AUH: variants seen among roughly 807,000 people sequenced by gnomAD.
AUH encodes the protein methylglutaconyl-CoA hydratase, mitochondrial.
In AUH, 29 loss-of-function variants were observed where a neutral mutation model predicts 42.3. The ratio of observed to expected loss-of-function variants is 0.69; its 90% CI spans 0.51 to 0.93. AUH has a LOEUF of 0.93. Among genes scored for constraint, AUH ranks in the 40% least tolerant of loss-of-function variants. The probability of loss-of-function intolerance (pLI) is 0.00; values close to 1 mark genes in which losing one functional copy is unlikely to be tolerated. For synonymous variants in AUH, 174 were observed against 166.4 expected (o/e 1.05, Z -0.35); for missense variants, 452 against 438.1 (o/e 1.03, Z -0.28).
At chr9:91,305,632 T>TAC in intron 4 of AUH, among the ~76,000 whole-genome samples, 1 of 152,304 alleles carries the variant, frequency 6.6e-6, no homozygotes, top group Non-Finnish European at 1.5e-5. Context: ...TTTCTATATA[T>TAC]ACGCTTATGT....
At chr9:91,298,142 T>C in intron 4 of AUH, 66 bp from the exon 5 acceptor site, 1 of 1,328,740 alleles carries the variant, frequency 7.5e-7, no homozygotes, top group Non-Finnish European at 1.1e-6. Flanking sequence ...AATTCATTTT[T>C]AATTTTTTTC....
rs1374074965 is a variant in AUH, at chr9:91,356,128, GCT to G, written c.288_289del (p.Arg96SerfsTer9). The G allele has an allele frequency of 1.3e-5, 21 of 1,613,434 alleles. No homozygotes were observed. Among genetic ancestry groups the G allele is most frequent in the Non-Finnish European group, 1.8e-5 (21 of 1,179,770 alleles). On this transcript the variant is annotated frameshift_variant, in exon 2 of 10. Coordinates refer to ENST00000375731, the MANE Select transcript of AUH (RefSeq NM_001698.3). LOFTEE classifies it high-confidence loss of function. ...TTTACTGAGTGAATTTTTGCCATAAGCTCTGTTTATTCCAAGCACCACAATTC... is the reference window on the plus strand; with the variant it reads ...TTTACTGAGTGAATTTTTGCCATAAGCTGTTTATTCCAAGCACCACAATTC...
In AUH at chr9:91,214,025, C is replaced by T; in HGVS notation, c.*323G>A. On this transcript the variant is annotated 3_prime_UTR_variant, in exon 10 of 10. Coordinates refer to ENST00000375731, the MANE Select transcript of AUH (RefSeq NM_001698.3). Reference sequence around the variant, plus strand: ...GTAGACATACAATCAATATTATTCCCTAGAATGTGCAATATATAAATTATT... The same window carrying T: ...GTAGACATACAATCAATATTATTCCTTAGAATGTGCAATATATAAATTATT... 1 of 278,756 alleles carries T rather than the reference C, an allele frequency of 3.6e-6. No homozygotes were observed. The highest frequency in any genetic ancestry group is 6.9e-6 in the Non-Finnish European group (1 of 143,942). The allele number at this position is 278,756 out of a possible 1,614,324, so 17.3% of individuals were successfully genotyped here. A position where few individuals can be genotyped will look rare whatever the true frequency, so the allele number is the denominator to read the frequency against.
At chr9:91,339,021 A>G (rs1830905847) in intron 3 of AUH, among the ~76,000 whole-genome samples, 1 of 152,216 alleles carries the variant, frequency 6.6e-6, no homozygotes, top group African/African-American at 2.4e-5. Context: ...CATTACCTCT[A>G]ATGAATAAAA....
chr9:91,252,520 G>A (rs1829190896), intron 6 of AUH, among the ~76,000 whole-genome samples: 1 of 152,086 alleles, frequency 6.6e-6, no homozygotes, highest in Admixed American at 6.5e-5. Flanking sequence ...CATTGGCAGT[G>A]TGACCACATC....
At chr9:91,279,265 A>G (rs1304040773) in intron 6 of AUH, among the ~76,000 whole-genome samples, 1 of 152,192 alleles carries the variant, frequency 6.6e-6, no homozygotes, top group Admixed American at 6.5e-5. Flanking sequence ...AATTCTCACA[A>G]CAACCTATGA....
intron 6 of AUH, among the ~76,000 whole-genome samples, chr9:91,245,647 C>T (rs1416557760): frequency 6.6e-6 from 1 of 152,186 alleles, no homozygotes; most frequent in Non-Finnish European, 1.5e-5. Flanking sequence ...CTGACATCTG[C>T]TGATAGAAGC....
At chr9:91,234,379 G>A (rs1489769421) in intron 6 of AUH, among the ~76,000 whole-genome samples, 7 of 152,112 alleles carry the variant, frequency 4.6e-5, no homozygotes, top group Non-Finnish European at 5.9e-5. Context: ...GACCTGCCAT[G>A]GTATAGACTG....
chr9:91,335,915 C>T (rs994279783), intron 3 of AUH, among the ~76,000 whole-genome samples: 5 of 152,118 alleles, frequency 3.3e-5, no homozygotes, highest in African/African-American at 9.7e-5. Flanking sequence ...TAGCAGATGG[C>T]TAATTTTCAT....
rs1317662893 is a variant in AUH, at chr9:91,230,664, T to A, written c.656-9672A>T. On this transcript the variant is annotated intron_variant, in intron 6 of 9. Coordinates refer to ENST00000375731, the MANE Select transcript of AUH (RefSeq NM_001698.3). ...AGAGTTTCCAGTTTTTCTGTTCAGT[T>A]TTTTCCCCATCTTTGTGGTTTTATC... is the stretch of plus-strand genomic sequence containing the variant. Among the ~76,000 whole-genome samples the A allele has an allele frequency of 2.6e-5, 4 of 152,160 alleles. No individual in the cohort carries two copies. In the East Asian group the frequency reaches 7.7e-4, roughly 29 times the overall value.
chr9:91,234,525 AAAAAG>A (rs1287795025), intron 6 of AUH, among the ~76,000 whole-genome samples: 1 of 152,186 alleles, frequency 6.6e-6, no homozygotes, highest in African/African-American at 2.4e-5. Context: ...CTTACTCTCC[AAAAAG>A]ACGAATCATA....
chr9:91,304,755 TA>T (rs1314286873), intron 4 of AUH, among the ~76,000 whole-genome samples: 1 of 152,204 alleles, frequency 6.6e-6, no homozygotes, highest in African/African-American at 2.4e-5. Flanking sequence ...ACTAAAGAAT[TA>T]AGTAAAACAG....
At chr9:91,262,183 G>A (rs367653180) in intron 6 of AUH, among the ~76,000 whole-genome samples, 1 of 152,044 alleles carries the variant, frequency 6.6e-6, no homozygotes, top group Admixed American at 6.6e-5. Flanking sequence ...AGATAAATTC[G>A]AGTTAACTAA....
chr9:91,218,844 A>G (rs1826969789), intron 7 of AUH: 1 of 985,428 alleles, frequency 1.0e-6, no homozygotes, highest in African/African-American at 1.7e-5. Context: ...ATAAAAATAA[A>G]GGTGATTCCA....
chr9:91,231,076 AC>A (rs922552813), intron 6 of AUH, among the ~76,000 whole-genome samples: 1 of 152,164 alleles, frequency 6.6e-6, no homozygotes, highest in African/African-American at 2.4e-5. Flanking sequence ...GGTGGGCTCT[AC>A]CCAGTTCAAG....
At chr9:91,258,891 G>T (rs1324893456) in intron 6 of AUH, among the ~76,000 whole-genome samples, 2 of 152,088 alleles carry the variant, frequency 1.3e-5, no homozygotes, top group Non-Finnish European at 2.9e-5. Context: ...TGGTTATGAT[G>T]TATTATCTTT....
rs1329631422 is a variant in AUH, at chr9:91,214,567, C to T, written c.943-142G>A. 13 of 677,460 alleles carry T rather than the reference C, an allele frequency of 1.9e-5. No homozygotes were observed. In the Admixed American group the frequency reaches 3.6e-4, roughly 19 times the overall value. 42.0% of individuals were successfully genotyped at this position (677,460 alleles called of 1,614,324 possible). On this transcript the variant is annotated intron_variant, in intron 9 of 9. Coordinates refer to ENST00000375731, the MANE Select transcript of AUH (RefSeq NM_001698.3). The stretch of plus-strand genomic sequence containing the variant: ...CTGAACAATTCTCCTAATTATGTAA[C>T]CAAACTCATCCTTCTTACTCCAAGT...
intron 3 of AUH, among the ~76,000 whole-genome samples, chr9:91,347,719 A>G (rs1450349595): frequency 2.0e-5 from 3 of 152,186 alleles, no homozygotes; most frequent in African/African-American, 7.2e-5. Flanking sequence ...AGTCCTAAAT[A>G]TAAGATATAA....
chr9:91,297,528 C>G (rs1378604294), intron 5 of AUH, among the ~76,000 whole-genome samples: 3 of 152,152 alleles, frequency 2.0e-5, no homozygotes, highest in Non-Finnish European at 1.5e-5. Flanking sequence ...CCCATTTCCT[C>G]TAAAGAGGAA....
Sources: gnomAD v4.1 joint callset for allele counts (sites outside exome capture counted in the v4.1 genomes callset) on GRCh38, gnomAD v4.1.1 for gene constraint, MANE v1.5 for transcripts, NCBI Gene and HGNC (gene_info 2026-07-23, HGNC 2026-07-21) for gene names.